CTNNA3: variants seen among roughly 807,000 people sequenced by gnomAD.
CTNNA3 encodes catenin alpha 3.
CTNNA3 carries 76 observed loss-of-function variants against 95.7 expected under a neutral mutation model. The observed-to-expected ratio is 0.79, with a 90% CI of 0.66 to 0.96. CTNNA3 has a LOEUF of 0.96. CTNNA3 is among the 40% of genes least tolerant of loss of function. The pLI is 0.00. For synonymous variants in CTNNA3, 431 were observed against 374.4 expected, an observed-to-expected ratio of 1.15 and a Z score of -1.74; for missense variants, 1,191 against 1,089.8, an observed-to-expected ratio of 1.09 and a Z score of -1.31.
chr10:67,466,631 G>A (rs1358561283), intron 5 of CTNNA3, among the ~76,000 whole-genome samples: 1 of 152,154 alleles, frequency 6.6e-6, no homozygotes, highest in Non-Finnish European at 1.5e-5. Context: ...TATATCCAAA[G>A]CGGGACAAAA....
chr10:66,592,998 A>T (rs1843602287), intron 10 of CTNNA3, among the ~76,000 whole-genome samples: 1 of 152,210 alleles, frequency 6.6e-6, no homozygotes, highest in Admixed American at 6.5e-5. Flanking sequence ...AGAAGAAGGC[A>T]AATTCAATAA....
intron 5 of CTNNA3, among the ~76,000 whole-genome samples, chr10:67,496,204 G>T (rs1235161141): frequency 6.6e-6 from 1 of 152,032 alleles, no homozygotes; most frequent in African/African-American, 2.4e-5. Context: ...TGATATCCAT[G>T]CATAAAGAAC....
chr10:66,492,946 G>C (rs1839974757), intron 11 of CTNNA3, among the ~76,000 whole-genome samples: 1 of 152,012 alleles, frequency 6.6e-6, no homozygotes, highest in Non-Finnish European at 1.5e-5. Context: ...CTAAACAGTT[G>C]GGTTTATCCC....
chr10:67,513,932 T>C (rs757880469), intron 5 of CTNNA3, among the ~76,000 whole-genome samples: 1 of 152,222 alleles, frequency 6.6e-6, no homozygotes, highest in Non-Finnish European at 1.5e-5. Context: ...TTCCTGTTAT[T>C]GTCCCAACTC....
At chr10:66,729,597 T>G (rs1387390309) in intron 9 of CTNNA3, among the ~76,000 whole-genome samples, 1 of 152,112 alleles carries the variant, frequency 6.6e-6, no homozygotes, top group African/African-American at 2.4e-5. Flanking sequence ...GCTATGAGGA[T>G]GCAAAGGCAT....
At chr10:67,304,723 A>G (rs899167408) in intron 5 of CTNNA3, among the ~76,000 whole-genome samples, 2 of 152,078 alleles carry the variant, frequency 1.3e-5, no homozygotes, top group South Asian at 2.1e-4. Context: ...CTATTGACTC[A>G]AAGGAAAAAG....
intron 10 of CTNNA3, among the ~76,000 whole-genome samples, chr10:66,524,981 G>A (rs780270552): frequency 9.2e-5 from 14 of 152,038 alleles, no homozygotes; most frequent in South Asian, 4.2e-4. Context: ...CCAGGGAAGC[G>A]GAGGTTGTGG....
chr10:67,193,025 ATACCACTTATATG>A (rs1264756916), intron 6 of CTNNA3, among the ~76,000 whole-genome samples: 1 of 151,992 alleles, frequency 6.6e-6, no homozygotes, highest in Non-Finnish European at 1.5e-5. Context: ...ATACAATATG[ATACCACTTATATG>A]TAAAATCAAA....
At chr10:66,646,261 C>A (rs1845704213) in intron 9 of CTNNA3, among the ~76,000 whole-genome samples, 1 of 152,092 alleles carries the variant, frequency 6.6e-6, no homozygotes, top group Non-Finnish European at 1.5e-5. Flanking sequence ...AGAATATCCA[C>A]TTGAACCATA....
chr10:67,295,987 G>A (rs1840015507), intron 5 of CTNNA3, among the ~76,000 whole-genome samples: 1 of 152,094 alleles, frequency 6.6e-6, no homozygotes, highest in Non-Finnish European at 1.5e-5. Flanking sequence ...CACATCTAAG[G>A]GAGGGTCCAT....
intron 9 of CTNNA3, among the ~76,000 whole-genome samples, chr10:66,754,555 T>A (rs916527530): frequency 6.6e-6 from 1 of 152,036 alleles, no homozygotes; most frequent in African/African-American, 2.4e-5. Flanking sequence ...CTTCAGAGAA[T>A]ACCATCAAAA....
chr10:67,725,938 T>TATATA (rs1355405791), intron 1 of CTNNA3, among the ~76,000 whole-genome samples: 2 of 140,196 alleles, frequency 1.4e-5, no homozygotes, highest in East Asian at 4.0e-4. Context: ...ATTATATAAT[T>TATATA]ATTTTTAGTA....
intron 3 of CTNNA3, among the ~76,000 whole-genome samples, chr10:67,559,716 G>A (rs369920671): frequency 6.6e-6 from 1 of 152,020 alleles, no homozygotes; most frequent in Non-Finnish European, 1.5e-5. Flanking sequence ...TCAAATCAAA[G>A]GCAAAGAAGT....
chr10:66,951,873 A>T (rs932703307), intron 7 of CTNNA3, among the ~76,000 whole-genome samples: 2 of 152,180 alleles, frequency 1.3e-5, no homozygotes, highest in South Asian at 4.1e-4. Context: ...TACATTTTTC[A>T]GAAAGCCCAT....
intron 11 of CTNNA3, among the ~76,000 whole-genome samples, chr10:66,473,547 G>C (rs1839209853): frequency 6.6e-6 from 1 of 151,836 alleles, no homozygotes; most frequent in Non-Finnish European, 1.5e-5. Context: ...TTAAGTTTTA[G>C]GATACATGTG....
chr10:67,024,629 T>C (rs1349766957), intron 7 of CTNNA3, among the ~76,000 whole-genome samples: 2 of 152,290 alleles, frequency 1.3e-5, no homozygotes, highest in Non-Finnish European at 2.9e-5. Flanking sequence ...ATGAGCCATA[T>C]ATGCAAATGG....
intron 7 of CTNNA3, among the ~76,000 whole-genome samples, chr10:66,940,686 C>T (rs181753729): frequency 1.3e-5 from 2 of 152,246 alleles, no homozygotes; most frequent in Admixed American, 6.5e-5. Context: ...ACATTCAACT[C>T]AGTTTTAAGA....
At chr10:67,114,834 C>T (rs1028569241) in intron 7 of CTNNA3, among the ~76,000 whole-genome samples, 4 of 151,178 alleles carry the variant, frequency 2.6e-5, no homozygotes, top group African/African-American at 9.7e-5. Context: ...AATTCAATTA[C>T]CTCTTTTTTT....
chr10:67,202,784 T>C lies in CTNNA3; in HGVS notation c.843+16823A>G, dbSNP rs928833106. On this transcript the variant is annotated intron_variant, in intron 6 of 17. Transcript: ENST00000433211. The stretch of plus-strand genomic sequence containing the variant: ...AAGAAAACTGTAATATCACTTTACA[T>C]AGTAAATGTAACCTTCCAAAACAAA... Among the ~76,000 whole-genome samples the C allele has an allele frequency of 4.6e-5, 7 of 151,998 alleles. No individual in the cohort carries two copies. In the South Asian group the frequency reaches 6.2e-4, roughly 13 times the overall value.
Sources: gnomAD v4.1 joint callset for allele counts (sites outside exome capture counted in the v4.1 genomes callset) on GRCh38, gnomAD v4.1.1 for gene constraint, MANE v1.5 for transcripts, NCBI Gene and HGNC (gene_info 2026-07-23, HGNC 2026-07-21) for gene names.